Variants in RHOBTB1 observed in about 807,000 individuals in gnomAD.
RHOBTB1 encodes rho-related BTB domain-containing protein 1.
In RHOBTB1, 40 loss-of-function variants were observed where a neutral mutation model predicts 71.6. That is an observed-to-expected ratio of 0.56 (90% confidence interval 0.43 to 0.73). RHOBTB1 has a LOEUF of 0.73. RHOBTB1 is among the 30% of genes least tolerant of loss of function. The pLI is 0.00. For synonymous variants in RHOBTB1, 319 were observed against 334.9 expected, an observed-to-expected ratio of 0.95 and a Z score of 0.52; for missense variants, 797 against 894.0, an observed-to-expected ratio of 0.89 and a Z score of 1.38.
intron 2 of RHOBTB1, among the ~76,000 whole-genome samples, chr10:60,936,936 C>T (rs547963029): frequency 6.6e-6 from 1 of 152,326 alleles, no homozygotes; most frequent in African/African-American, 2.4e-5. Context: ...AAGACATATA[C>T]TTGCTACTTC....
At chr10:60,897,117 A>C (rs1325609794) in intron 4 of RHOBTB1, among the ~76,000 whole-genome samples, 4 of 152,152 alleles carry the variant, frequency 2.6e-5, no homozygotes, top group Non-Finnish European at 5.9e-5. Flanking sequence ...AAAAAAATCC[A>C]AAAAAAGTGC....
chr10:60,942,859 A>AT (rs11414207), intron 1 of RHOBTB1, among the ~76,000 whole-genome samples: 95,190 of 148,268 alleles, frequency 0.64, 31,922 homozygotes, highest in East Asian at 0.92. Flanking sequence ...CGATAACGGT[A>AT]TTTTTTTTTT....
intron 2 of RHOBTB1, among the ~76,000 whole-genome samples, chr10:60,935,745 T>C (rs1327873784): frequency 6.6e-6 from 1 of 152,146 alleles, no homozygotes; most frequent in Non-Finnish European, 1.5e-5. Flanking sequence ...ACAAAGATAA[T>C]AAGTACTCAA....
rs1225196403 is a variant in RHOBTB1 at position 60,870,528 on chromosome 10, C to T, written c.*954G>A. 1.3e-5 allele frequency: 2 copies of T among 152,214 alleles called. No individual in the cohort carries two copies. The highest frequency in any genetic ancestry group is 3.9e-4 in the East Asian group (2 of 5,190). The allele number at this position is 152,214 out of a possible 1,614,324, so 9.4% of individuals were successfully genotyped here. A position where few individuals can be genotyped will look rare whatever the true frequency, so the allele number is the denominator to read the frequency against. ...TTTCTGGTGGTGAGATGTGACAAGC[C>T]TGTAGATGGCAGGAGGGAGTCCAGG... On this transcript the variant is annotated 3_prime_UTR_variant, in exon 11 of 11. Transcript: ENST00000337910.
At chr10:60,919,972 T>C (rs1293341585) in intron 2 of RHOBTB1, among the ~76,000 whole-genome samples, 2 of 152,164 alleles carry the variant, frequency 1.3e-5, no homozygotes, top group African/African-American at 4.8e-5. Context: ...AAAAGATGCA[T>C]GAAAATTCCA....
intron 2 of RHOBTB1, among the ~76,000 whole-genome samples, chr10:60,962,051 G>A (rs1266629535): frequency 6.6e-6 from 1 of 151,916 alleles, no homozygotes; most frequent in African/African-American, 2.4e-5. Flanking sequence ...GAATTGATCC[G>A]CCGGCCTCGG....
At chr10:60,957,620 T>C (rs371462959) in intron 2 of RHOBTB1, among the ~76,000 whole-genome samples, 1 of 151,934 alleles carries the variant, frequency 6.6e-6, no homozygotes, top group African/African-American at 2.4e-5. Context: ...GCTAAAATGA[T>C]ATTGAAAGTG....
intron 2 of RHOBTB1, among the ~76,000 whole-genome samples, chr10:60,955,044 T>TC (rs1554853416): frequency 6.3e-4 from 22 of 34,922 alleles, no homozygotes; most frequent in Non-Finnish European, 1.1e-3. Context: ...TCTTTCTTTC[T>TC]TTTTTTTTTT....
At chr10:60,995,035 T>C (rs12778058) in intron 1 of RHOBTB1, among the ~76,000 whole-genome samples, 72,508 of 151,518 alleles carry the variant, frequency 0.48, 17,627 homozygotes, top group African/African-American at 0.56. Flanking sequence ...GGAAAATGGT[T>C]TAAACAACCC....
chr10:60,984,979 AT>A (rs1255075409), intron 2 of RHOBTB1, among the ~76,000 whole-genome samples: 3 of 152,170 alleles, frequency 2.0e-5, no homozygotes, highest in Non-Finnish European at 2.9e-5. Context: ...CTTTATTATG[AT>A]TTGTTGAAGT....
intron 2 of RHOBTB1, among the ~76,000 whole-genome samples, chr10:60,976,297 TC>T (rs2086312505): frequency 6.6e-6 from 1 of 151,690 alleles, no homozygotes; most frequent in Non-Finnish European, 1.5e-5. Flanking sequence ...TTTGAAATGC[TC>T]CTTTTGACTA....
chr10:60,975,558 AACTG>A (rs774208167), intron 2 of RHOBTB1, among the ~76,000 whole-genome samples: 2 of 152,122 alleles, frequency 1.3e-5, no homozygotes, highest in South Asian at 4.1e-4. Context: ...ACTAGGTAAT[AACTG>A]ACTAAGTGCT....
chr10:60,941,235 T>C lies in RHOBTB1; in HGVS notation c.-11+569A>G, dbSNP rs544536841. Reference sequence around the variant, plus strand: ...ACAAAAACTTTTTAAAAAATCCTATTTGTGCCATTTAATAGAAGTAAGAAT... The same window carrying C: ...ACAAAAACTTTTTAAAAAATCCTATCTGTGCCATTTAATAGAAGTAAGAAT... On this transcript the variant is annotated intron_variant, in intron 2 of 10. Transcript: ENST00000337910. Among the ~76,000 whole-genome samples the C allele has an allele frequency of 3.9e-5, 6 of 152,264 alleles. No individual in the cohort carries two copies. The South Asian group carries it at 1.2e-3, about 32-fold the overall frequency.
intron 1 of RHOBTB1, among the ~76,000 whole-genome samples, chr10:60,943,315 G>T (rs1198217431): frequency 6.6e-6 from 1 of 152,222 alleles, no homozygotes. Context: ...CTACATAGTT[G>T]CCTTCCACTT....
intron 1 of RHOBTB1, among the ~76,000 whole-genome samples, chr10:60,988,063 C>T (rs2086728568): frequency 6.6e-6 from 1 of 150,606 alleles, no homozygotes; most frequent in Non-Finnish European, 1.5e-5. Flanking sequence ...TCCCGGGTAG[C>T]TGGGACTACA....
chr10:60,976,389 A>T (rs911086816), intron 2 of RHOBTB1, among the ~76,000 whole-genome samples: 2 of 151,854 alleles, frequency 1.3e-5, no homozygotes, highest in African/African-American at 2.4e-5. Flanking sequence ...ATTTATATTC[A>T]TATAGTAAAA....
intron 2 of RHOBTB1, among the ~76,000 whole-genome samples, chr10:60,985,238 G>T (rs886969781): frequency 6.6e-6 from 1 of 152,096 alleles, no homozygotes; most frequent in East Asian, 1.9e-4. Context: ...ACAAAGGAGA[G>T]TAAACTGTCC....
At chr10:60,880,179 G>C (rs12775625) in intron 7 of RHOBTB1, among the ~76,000 whole-genome samples, 2,922 of 77,702 alleles carry the variant, frequency 0.038, 27 homozygotes, top group South Asian at 0.083. Context: ...AGGGATGACT[G>C]TGTGTGTGTG....
intron 2 of RHOBTB1, among the ~76,000 whole-genome samples, chr10:60,985,135 G>C (rs2086619441): frequency 6.6e-6 from 1 of 152,136 alleles, no homozygotes; most frequent in Non-Finnish European, 1.5e-5. Context: ...CACACAGAGA[G>C]TTTTCCTTTT....
Sources: gnomAD v4.1 joint callset for allele counts (sites outside exome capture counted in the v4.1 genomes callset) on GRCh38, gnomAD v4.1.1 for gene constraint, MANE v1.5 for transcripts, NCBI Gene and HGNC (gene_info 2026-07-23, HGNC 2026-07-21) for gene names.